The following RYR2 variants were observed in gnomAD, a reference collection of about 807,000 sequenced individuals.
RYR2 encodes cardiac muscle ryanodine receptor-calcium release channel.
RYR2 carries 227 observed loss-of-function variants against 601.1 expected under a neutral mutation model. The ratio of observed to expected loss-of-function variants is 0.38; its 90% CI spans 0.34 to 0.42. The LOEUF (loss-of-function observed/expected upper bound fraction) is 0.42. RYR2 is among the 10% of genes least tolerant of loss of function. The pLI, the probability that RYR2 is intolerant of heterozygous loss-of-function variation, is 1.00. For missense variants in RYR2, 4,646 were observed against 6,156.5 expected (o/e 0.75, Z 8.21); for synonymous variants, 2,223 against 2,175.1 (o/e 1.02, Z -0.61).
intron 17 of RYR2, among the ~76,000 whole-genome samples, chr1:237,470,105 TTA>T (rs561159406): frequency 7.0e-4 from 107 of 152,330 alleles, no homozygotes; most frequent in African/African-American, 2.4e-3. Context: ...TAATGCCCTC[TTA>T]TGTTACTTAT....
rs530252328 is a variant in RYR2 at position 237,202,886 on chromosome 1, C to A, written c.49-67611C>A. Among the ~76,000 whole-genome samples, 21 of 152,178 alleles carry A rather than the reference C, an allele frequency of 1.4e-4. No homozygotes were observed. The East Asian group carries it at 3.8e-3, about 28-fold the overall frequency. On this transcript the variant is annotated intron_variant, in intron 1 of 104. Transcript: ENST00000366574. The stretch of plus-strand genomic sequence containing the variant: ...GGGAAAGGACAATTGGAACCAGCAA[C>A]GCAACATTGTGAATGCTCAGCCCTT...
chr1:237,648,693 C>A (rs1159801289), intron 49 of RYR2, 80 bp downstream of exon 49: 15 of 1,412,390 alleles, frequency 1.1e-5, no homozygotes, highest in Non-Finnish European at 1.4e-5. Flanking sequence ...TATATCCATT[C>A]ATTAATTTAT....
At chr1:237,326,274 A>T (rs1158886434) in intron 2 of RYR2, among the ~76,000 whole-genome samples, 2 of 145,832 alleles carry the variant, frequency 1.4e-5, no homozygotes, top group African/African-American at 2.5e-5. Flanking sequence ...GTTTGTATTT[A>T]AAAAAAAAAA....
chr1:237,454,443 A>G lies in RYR2; in HGVS notation c.1345A>G (p.Ile449Val), dbSNP rs775428443. ...KAKASTVDLP[I>V]ESVSLSLQDL... ...GAAGGCTTCCACAGTCGATTTGCCT[A>G]TAGAGTCCGTAAGCCTAAGTCTGCA... Residue 449 changes from isoleucine (I) to valine (V), a missense_variant, in exon 15 of 105, where the codon ATA becomes GTA. Ile to Val is a conservative substitution (Grantham distance 29, BLOSUM62 3). This residue lies in a region of RYR2 where 1,807 missense variants were observed against 2,088.1 expected (regional missense o/e 0.87). Transcript: ENST00000366574. 2.5e-6 allele frequency: 4 copies of G among 1,613,586 alleles called. No homozygotes were observed. The highest frequency in any genetic ancestry group is 1.7e-4 in the Middle Eastern group (1 of 6,056).
intron 25 of RYR2, 34 bp downstream of exon 25, chr1:237,530,544 T>A: frequency 6.8e-7 from 1 of 1,463,602 alleles, no homozygotes; most frequent in South Asian, 1.2e-5. Flanking sequence ...TTAAATAATC[T>A]GTGTAGAGAT....
intron 10 of RYR2, among the ~76,000 whole-genome samples, chr1:237,411,289 T>A (rs555138202): frequency 4.6e-5 from 7 of 152,198 alleles, no homozygotes; most frequent in South Asian, 2.1e-4. Context: ...ATTATTTTTT[T>A]AAAAAAAGAA....
chr1:237,176,583 TA>T (rs199922485), intron 1 of RYR2, among the ~76,000 whole-genome samples: 1 of 151,874 alleles, frequency 6.6e-6, no homozygotes, highest in South Asian at 2.1e-4. Flanking sequence ...TTTATTTTTT[TA>T]AAAAACACCT....
intron 34 of RYR2, among the ~76,000 whole-genome samples, chr1:237,600,098 A>G (rs1420815930): frequency 6.6e-6 from 1 of 152,182 alleles, no homozygotes; most frequent in African/African-American, 2.4e-5. Flanking sequence ...TTCTTATGAA[A>G]TCACAAAAGA....
chr1:237,604,834 A>C (rs895938088), intron 35 of RYR2, among the ~76,000 whole-genome samples: 5 of 152,162 alleles, frequency 3.3e-5, no homozygotes, highest in African/African-American at 9.7e-5. Flanking sequence ...GAAATGGATA[A>C]ATTCCTCGAC....
chr1:237,742,229 G>A (rs921119908), intron 79 of RYR2, 67 bp from the exon 80 acceptor site: 9 of 1,038,270 alleles, frequency 8.7e-6, no homozygotes, highest in Non-Finnish European at 1.1e-5. Context: ...TATGTCTAAT[G>A]TTCTTTTGCA....
intron 22 of RYR2, among the ~76,000 whole-genome samples, chr1:237,503,929 A>C (rs1027064531): frequency 1.3e-5 from 2 of 152,036 alleles, no homozygotes; most frequent in African/African-American, 2.4e-5. Flanking sequence ...GCTGGTCTTG[A>C]ACTCCTGATC....
chr1:237,541,460 G>A (rs748932977), intron 25 of RYR2, among the ~76,000 whole-genome samples: 1 of 152,082 alleles, frequency 6.6e-6, no homozygotes, highest in Non-Finnish European at 1.5e-5. Context: ...ATTTAAAAAC[G>A]TGCTTCCTCC....
chr1:237,405,532 A>T (rs897010590), intron 10 of RYR2, among the ~76,000 whole-genome samples: 1 of 152,180 alleles, frequency 6.6e-6, no homozygotes, highest in Non-Finnish European at 1.5e-5. Flanking sequence ...CGTGAATTTC[A>T]CTTGAGACAG....
Position 237,500,751 on chromosome 1 carries a change from G to C in RYR2, c.2244G>C (p.Leu748=), listed in dbSNP as rs773368330. The C allele has an allele frequency of 6.2e-7, 1 of 1,613,512 alleles. No homozygotes were observed. Among genetic ancestry groups the C allele is most frequent in the East Asian group, 2.2e-5 (1 of 44,894 alleles). The part of the protein sequence containing the change: ...ARTVSSPNQH[L]LRTDDVISCC... ...CTGTAAGCTCACCAAACCAACATCT[G>C]TTAAGAACTGATGATGTCATCAGTT... is the stretch of plus-strand genomic sequence containing the variant. Residue 748 remains leucine, a synonymous_variant, in exon 21 of 105, where the codon CTG becomes CTC. Transcript: ENST00000366574.
intron 11 of RYR2, among the ~76,000 whole-genome samples, chr1:237,419,700 T>C (rs930887861): frequency 5.3e-5 from 8 of 152,184 alleles, no homozygotes; most frequent in African/African-American, 1.9e-4. Flanking sequence ...CACCTTCCTG[T>C]CTAGCAGTAG....
chr1:237,318,853 T>C (rs1251370799), intron 2 of RYR2, among the ~76,000 whole-genome samples: 1 of 152,180 alleles, frequency 6.6e-6, no homozygotes, highest in Non-Finnish European at 1.5e-5. Flanking sequence ...ATATTTTTCA[T>C]CAAATTGGAA....
At chr1:237,416,433 A>G (rs1704991412) in intron 10 of RYR2, among the ~76,000 whole-genome samples, 1 of 152,180 alleles carries the variant, frequency 6.6e-6, no homozygotes, top group African/African-American at 2.4e-5. Context: ...GCATATTAAC[A>G]CATTATTTTG....
chr1:237,434,802 C>G lies in RYR2; in HGVS notation c.1006-6517C>G, dbSNP rs905204934. Among the ~76,000 whole-genome samples the G allele has an allele frequency of 4.2e-4, 64 of 152,094 alleles. 1 individual carries two copies. Among genetic ancestry groups the G allele is most frequent in the African/African-American group, 1.5e-3 (61 of 41,530 alleles). ...TAAAACTTTTTTTTTGAGACAGAGT[C>G]TCTCGCTCTGTCACTCAGACTGGAG... On this transcript the variant is annotated intron_variant, in intron 12 of 104. Coordinates refer to ENST00000366574, the MANE Select transcript of RYR2 (RefSeq NM_001035.3).
At chr1:237,323,997 G>T (rs569372020) in intron 2 of RYR2, among the ~76,000 whole-genome samples, 2 of 152,228 alleles carry the variant, frequency 1.3e-5, no homozygotes, top group African/African-American at 4.8e-5. Context: ...AAGGGAAAAA[G>T]AACATGACAA....
Sources: gnomAD v4.1 joint callset for allele counts (sites outside exome capture counted in the v4.1 genomes callset) on GRCh38, gnomAD v4.1.1 for gene constraint, gnomAD v4.1.1 regional missense constraint, MANE v1.5 for transcripts, NCBI Gene and HGNC (gene_info 2026-07-23, HGNC 2026-07-21) for gene names.